The following SMAP1 variants were observed in gnomAD, a reference collection of about 807,000 sequenced individuals.
SMAP1 encodes the protein small ArfGAP 1.
SMAP1 carries 24 observed loss-of-function variants against 58.5 expected under a neutral mutation model. That is an observed-to-expected ratio of 0.41 (90% CI 0.30 to 0.58). The LOEUF (loss-of-function observed/expected upper bound fraction) is 0.58, where lower values mean the gene tolerates loss of function less well. Among genes scored for constraint, SMAP1 ranks in the 20% least tolerant of loss-of-function variants. The pLI is 0.29. For missense variants in SMAP1, 563 were observed against 566.3 expected (o/e 0.99, Z 0.06); for synonymous variants, 216 against 196.6 (o/e 1.10, Z -0.82).
chr6:70,752,915 G>T (rs1052249317), intron 2 of SMAP1, among the ~76,000 whole-genome samples: 3 of 151,832 alleles, frequency 2.0e-5, no homozygotes. Flanking sequence ...TTTTGGCAGT[G>T]GTCTCCTATA....
rs535736397 is a variant in SMAP1, at chr6:70,709,499, A to G, written c.119-22879A>G. ...GTGCCACTGTGCCTGGTTAATTTTT[A>G]AATTTTTTGTAGAGACAGGTCTGTG... On this transcript the variant is annotated intron_variant, in intron 1 of 10. Transcript: ENST00000370455. 2.6e-5 allele frequency among the ~76,000 whole-genome samples: 4 copies of G among 151,938 alleles called. No homozygotes were observed. In the East Asian group the frequency reaches 7.8e-4, roughly 30 times the overall value.
intron 1 of SMAP1, among the ~76,000 whole-genome samples, chr6:70,705,000 C>A (rs560858037): frequency 1.3e-5 from 2 of 152,144 alleles, no homozygotes; most frequent in African/African-American, 4.8e-5. Context: ...ATTTGTAGTT[C>A]ATGATGGCAG....
rs148898695 is a variant in SMAP1 at position 70,804,421 on chromosome 6, G to A, written c.576+5684G>A. On this transcript the variant is annotated intron_variant, in intron 6 of 10. Coordinates refer to ENST00000370455, the MANE Select transcript of SMAP1 (RefSeq NM_001044305.3). ...GAGATGGGTCTCCTGAATACAGCAC[G>A]CTGATGGTGATGGGTTTTGACTCTA... 2.0e-3 allele frequency among the ~76,000 whole-genome samples: 302 copies of A among 151,564 alleles called. 1 individual carries two copies. Among genetic ancestry groups the A allele is most frequent in the Non-Finnish European group, 2.6e-3 (174 of 67,888 alleles).
intron 1 of SMAP1, among the ~76,000 whole-genome samples, chr6:70,683,186 C>G (rs199650071): frequency 9.4e-4 from 22 of 23,370 alleles, no homozygotes; most frequent in Non-Finnish European, 2.0e-3. Flanking sequence ...TTTTTTTTTT[C>G]TTGAGGCGGC....
intron 1 of SMAP1, among the ~76,000 whole-genome samples, chr6:70,710,311 T>C (rs907133326): frequency 1.3e-5 from 2 of 151,674 alleles, no homozygotes; most frequent in African/African-American, 4.8e-5. Context: ...GCCAACATGG[T>C]GAAACCCCAT....
intron 7 of SMAP1, among the ~76,000 whole-genome samples, chr6:70,840,526 G>T (rs1770761601): frequency 6.6e-6 from 1 of 152,146 alleles, no homozygotes; most frequent in South Asian, 2.1e-4. Flanking sequence ...CCATTGTAGT[G>T]TGCAAGTAGC....
intron 4 of SMAP1, among the ~76,000 whole-genome samples, chr6:70,784,103 C>A (rs1767892525): frequency 6.6e-6 from 1 of 152,178 alleles, no homozygotes; most frequent in Non-Finnish European, 1.5e-5. Flanking sequence ...CAGCTGACCT[C>A]TCGGCAGAAA....
intron 2 of SMAP1, among the ~76,000 whole-genome samples, chr6:70,742,266 T>C (rs1765847113): frequency 6.6e-6 from 1 of 152,202 alleles, no homozygotes; most frequent in Non-Finnish European, 1.5e-5. Flanking sequence ...GTTTCCCCTT[T>C]AAAATTGAAT....
intron 3 of SMAP1, among the ~76,000 whole-genome samples, chr6:70,763,426 A>G (rs552676269): frequency 3.9e-5 from 6 of 152,294 alleles, no homozygotes; most frequent in Admixed American, 3.9e-4. Flanking sequence ...CATTCTGACT[A>G]CACTGATCAG....
rs1771701945 is a variant in SMAP1, at chr6:70,861,055, A to AATC, written c.*722_*724dup. The stretch of plus-strand genomic sequence containing the variant: ...AACTAACTAAAACAAAGCCACTTTC[A>AATC]ATCTTCAATCCTTGAAGGTATATCT... On this transcript the variant is annotated 3_prime_UTR_variant, in exon 11 of 11. Transcript: ENST00000370455. 4.5e-6 allele frequency: 1 copy of AATC among 220,396 alleles called. No homozygotes were observed. Among genetic ancestry groups the AATC allele is most frequent in the Non-Finnish European group, 8.9e-6 (1 of 112,436 alleles). 13.7% of individuals were successfully genotyped at this position (220,396 alleles called of 1,614,324 possible).
chr6:70,679,340 G>A (rs1766609677), intron 1 of SMAP1, among the ~76,000 whole-genome samples: 1 of 152,016 alleles, frequency 6.6e-6, no homozygotes, highest in Non-Finnish European at 1.5e-5. Context: ...TTTTATAAGT[G>A]GTACAGAGTT....
chr6:70,670,814 T>C (rs889532546), intron 1 of SMAP1, among the ~76,000 whole-genome samples: 10 of 152,246 alleles, frequency 6.6e-5, no homozygotes, highest in African/African-American at 2.2e-4. Flanking sequence ...TCTTGCCTTA[T>C]CATAGTTGGT....
rs1272806906 is a variant in SMAP1 at position 70,852,634 on chromosome 6, C to T, written c.759C>T (p.Pro253=). 6.2e-7 allele frequency: 1 copy of T among 1,608,532 alleles called. No homozygotes were observed. The highest frequency in any genetic ancestry group is 8.5e-7 in the Non-Finnish European group (1 of 1,177,298). ...TCTTTGGACCGATGATTTCTAATCC[C>T]TTACCTGCAACTGTCATGCCCCCAG... ...LDIFGPMISN[P]LPATVMPPAQ... is the part of the protein sequence containing the mutation. Residue 253 remains proline (P), a synonymous_variant, in exon 8 of 11, where the codon CCC becomes CCT. Transcript: ENST00000370455.
At position 70,669,228 on chromosome 6, in the gene SMAP1, CTT is replaced by C. The variant is rs1766164115; in HGVS notation, c.118+1089_118+1090del. Among the ~76,000 whole-genome samples, 3 of 152,156 alleles carry C rather than the reference CTT, an allele frequency of 2.0e-5. No homozygotes were observed. The South Asian group carries it at 6.2e-4, about 32-fold the overall frequency. On this transcript the variant is annotated intron_variant, in intron 1 of 10. Coordinates refer to ENST00000370455, the MANE Select transcript of SMAP1 (RefSeq NM_001044305.3). ...AGTTCTCTAAAGCAGGAGACAGTCT[CTT>C]TGGGGAATGTCCTTTAAGATTTCTG...
At chr6:70,774,876 A>T (rs1237149669) in intron 4 of SMAP1, among the ~76,000 whole-genome samples, 1 of 151,370 alleles carries the variant, frequency 6.6e-6, no homozygotes, top group African/African-American at 2.4e-5. Flanking sequence ...AGCTGGGCCC[A>T]GTGGTGCATG....
chr6:70,855,423 A>G (rs910286886), intron 8 of SMAP1, among the ~76,000 whole-genome samples: 1 of 152,198 alleles, frequency 6.6e-6, no homozygotes, highest in Non-Finnish European at 1.5e-5. Flanking sequence ...CTCTACTATG[A>G]GAGTGGAATC....
intron 6 of SMAP1, among the ~76,000 whole-genome samples, chr6:70,826,739 G>C (rs1770137786): frequency 6.6e-6 from 1 of 152,020 alleles, no homozygotes; most frequent in African/African-American, 2.4e-5. Context: ...CTGGATGACA[G>C]AGTGAGGCTC....
chr6:70,724,411 G>C (rs1768673354), intron 1 of SMAP1, among the ~76,000 whole-genome samples: 1 of 152,146 alleles, frequency 6.6e-6, no homozygotes, highest in Non-Finnish European at 1.5e-5. Flanking sequence ...GGCCAGGCTG[G>C]TCTTGAACTC....
At chr6:70,729,182 G>A (rs949448735) in intron 1 of SMAP1, among the ~76,000 whole-genome samples, 63 of 152,286 alleles carry the variant, frequency 4.1e-4, no homozygotes, top group Admixed American at 1.3e-3. Context: ...GCTCATGCCT[G>A]TAATCCCAGC....
Sources: gnomAD v4.1 joint callset for allele counts (sites outside exome capture counted in the v4.1 genomes callset) on GRCh38, gnomAD v4.1.1 for gene constraint, MANE v1.5 for transcripts, NCBI Gene and HGNC (gene_info 2026-07-23, HGNC 2026-07-21) for gene names.